Variants in NRG1 observed in about 807,000 individuals in gnomAD.
NRG1 encodes the protein pro-neuregulin-1, membrane-bound isoform.
A neutral mutation model predicts 63.8 loss-of-function variants in NRG1; 18 were observed. The ratio of observed to expected loss-of-function variants is 0.28; its 90% CI spans 0.19 to 0.42. The LOEUF is 0.42. NRG1 is among the 10% of genes least tolerant of loss of function. The pLI is 1.00. For missense variants in NRG1, 762 were observed against 814.7 expected, an observed-to-expected ratio of 0.94 and a Z score of 0.79; for synonymous variants, 302 against 301.3, an observed-to-expected ratio of 1.00 and a Z score of -0.02.
intron 1 of NRG1, among the ~76,000 whole-genome samples, chr8:32,407,319 T>TATATATATA (rs71208179): frequency 8.2e-4 from 3 of 3,646 alleles, no homozygotes; most frequent in South Asian, 0.012. Context: ...TATATATATA[T>TATATATATA]TATATATATA....
chr8:31,648,124 C>CTT (rs36074483), intron 1 of NRG1, among the ~76,000 whole-genome samples: 2,034 of 51,240 alleles, frequency 0.04, 511 homozygotes, highest in Middle Eastern at 0.054. Flanking sequence ...TTTGACTACT[C>CTT]TTTTTTTTTT....
At chr8:32,054,851 ATTTCTTTCTTTCTT>A (rs1822585854) in intron 1 of NRG1, among the ~76,000 whole-genome samples, 1 of 109,644 alleles carries the variant, frequency 9.1e-6, no homozygotes, top group African/African-American at 4.0e-5. Flanking sequence ...TGAAAAGCAG[ATTTCTTTCTTTCTT>A]TTTTTTTTTT....
At chr8:32,543,362 C>A (rs570084046), upstream of NRG1, among the ~76,000 whole-genome samples, 5 of 152,038 alleles carry the variant, frequency 3.3e-5, no homozygotes, top group East Asian at 9.7e-4. Context: ...ATATACACAT[C>A]TAAATTAAGG....
At chr8:31,762,206 C>T (rs1212382672) in intron 1 of NRG1, among the ~76,000 whole-genome samples, 1 of 152,098 alleles carries the variant, frequency 6.6e-6, no homozygotes, top group Non-Finnish European at 1.5e-5. Flanking sequence ...AGTTCCCTTC[C>T]CTCAACAGGC....
chr8:31,982,387 C>T lies in NRG1; in HGVS notation c.37+342956C>T, dbSNP rs186561718. ...AAGTTATGGGAAGACCATTTGAAGG[C>T]TATCACAAAGAGAAATTCTGATCAT... On this transcript the variant is annotated intron_variant, in intron 1 of 10. Coordinates refer to the NRG1 transcript ENST00000519301. Among the ~76,000 whole-genome samples, 7 of 152,070 alleles carry T rather than the reference C, an allele frequency of 4.6e-5. No individual in the cohort carries two copies. In the East Asian group the frequency reaches 1.2e-3, roughly 25 times the overall value.
intron 1 of NRG1, among the ~76,000 whole-genome samples, chr8:31,968,249 T>A (rs918813450): frequency 1.3e-5 from 2 of 152,318 alleles, no homozygotes; most frequent in Admixed American, 6.5e-5. Context: ...TGACATTGAT[T>A]AATCATCACT....
intron 1 of NRG1, among the ~76,000 whole-genome samples, chr8:32,183,708 T>C (rs1359584221): frequency 6.6e-6 from 1 of 152,216 alleles, no homozygotes; most frequent in East Asian, 1.9e-4. Context: ...TAGACTTATG[T>C]TTGGGATAGG....
At chr8:32,628,304 A>G (rs1417925091) in intron 5 of NRG1, among the ~76,000 whole-genome samples, 2 of 152,194 alleles carry the variant, frequency 1.3e-5, no homozygotes, top group African/African-American at 4.8e-5. Context: ...AATTTTGTAC[A>G]TTTCTCTTAT....
At chr8:32,628,644 T>C (rs1219471981) in intron 5 of NRG1, among the ~76,000 whole-genome samples, 2 of 151,936 alleles carry the variant, frequency 1.3e-5, no homozygotes, top group African/African-American at 2.4e-5. Flanking sequence ...TTTAAACTCA[T>C]TCAGCTTAGT....
intron 1 of NRG1, among the ~76,000 whole-genome samples, chr8:31,720,379 A>G (rs1812789536): frequency 6.6e-6 from 1 of 152,176 alleles, no homozygotes; most frequent in South Asian, 2.1e-4. Context: ...TTTGTTACAT[A>G]CGTAAACATG....
intron 5 of NRG1, among the ~76,000 whole-genome samples, chr8:32,683,187 A>G (rs74394565): frequency 0.027 from 4,091 of 152,318 alleles, 196 homozygotes; most frequent in African/African-American, 0.093. Flanking sequence ...TATGACCAGA[A>G]GCCAACAGAG....
chr8:31,722,108 T>G (rs570383498), intron 1 of NRG1, among the ~76,000 whole-genome samples: 2 of 152,186 alleles, frequency 1.3e-5, no homozygotes, highest in Non-Finnish European at 2.9e-5. Flanking sequence ...CAGGTTGAAG[T>G]TCAAGCTCAT....
At chr8:31,950,326 C>A (rs572838332) in intron 1 of NRG1, among the ~76,000 whole-genome samples, 1 of 152,144 alleles carries the variant, frequency 6.6e-6, no homozygotes, top group Non-Finnish European at 1.5e-5. Context: ...TTTTAAGTAG[C>A]CTTTTACCTC....
chr8:32,243,788 C>T (rs1054897230), intron 1 of NRG1, among the ~76,000 whole-genome samples: 1 of 151,974 alleles, frequency 6.6e-6, no homozygotes, highest in Non-Finnish European at 1.5e-5. Flanking sequence ...GAGTGAAGTG[C>T]TTGTGTTGGA....
At chr8:32,724,573 AG>A (rs974278846) in intron 5 of NRG1, among the ~76,000 whole-genome samples, 1 of 152,018 alleles carries the variant, frequency 6.6e-6, no homozygotes, top group Admixed American at 6.6e-5. Flanking sequence ...TAAGACTGTC[AG>A]GGCCCTGTGT....
chr8:32,634,569 G>A (rs533134556), intron 5 of NRG1, among the ~76,000 whole-genome samples: 1 of 152,288 alleles, frequency 6.6e-6, no homozygotes, highest in East Asian at 1.9e-4. Context: ...CCTGGTGTTG[G>A]AAAAAGCTAA....
At chr8:32,241,512 C>T (rs1848092134) in intron 1 of NRG1, among the ~76,000 whole-genome samples, 1 of 152,136 alleles carries the variant, frequency 6.6e-6, no homozygotes, top group Admixed American at 6.5e-5. Context: ...AAAAATCCAT[C>T]AACACAACAC....
intron 1 of NRG1, among the ~76,000 whole-genome samples, chr8:32,563,258 T>C (rs1836798302): frequency 6.6e-6 from 1 of 152,224 alleles, no homozygotes; most frequent in African/African-American, 2.4e-5. Context: ...GTAGTGACTA[T>C]GTTTTTAGAA....
At chr8:32,299,698 C>G (rs902378540) in intron 1 of NRG1, among the ~76,000 whole-genome samples, 3 of 152,082 alleles carry the variant, frequency 2.0e-5, no homozygotes, top group African/African-American at 7.2e-5. Flanking sequence ...GCAAAGGAGG[C>G]GCAAAGGCAC....
Sources: gnomAD v4.1 joint callset for allele counts (sites outside exome capture counted in the v4.1 genomes callset) on GRCh38, gnomAD v4.1.1 for gene constraint, MANE v1.5 for transcripts, NCBI Gene and HGNC (gene_info 2026-07-23, HGNC 2026-07-21) for gene names.